AGAP1: variants seen among roughly 807,000 people sequenced by gnomAD.
AGAP1 encodes the protein arf-GAP with GTPase, ANK repeat and PH domain-containing protein 1.
Under a neutral mutation model 105.3 loss-of-function variants are expected in AGAP1, and 29 were observed. The observed-to-expected ratio is 0.28, with a 90% CI of 0.21 to 0.38. AGAP1 has a LOEUF of 0.38. Among genes scored for constraint, AGAP1 ranks in the 10% least tolerant of loss-of-function variants. The pLI is 1.00. For synonymous variants in AGAP1, 509 were observed against 485.9 expected, an observed-to-expected ratio of 1.05 and a Z score of -0.63; for missense variants, 998 against 1,165.1, an observed-to-expected ratio of 0.86 and a Z score of 2.09.
At chr2:235,727,994 G>A (rs772912652) in intron 3 of AGAP1, among the ~76,000 whole-genome samples, 7 of 152,140 alleles carry the variant, frequency 4.6e-5, no homozygotes, top group African/African-American at 7.2e-5. Flanking sequence ...ACTCAGCACC[G>A]ATTAGAGCTG....
rs943627835 is a variant in AGAP1 at position 235,599,813 on chromosome 2, G to A, written c.163+104964G>A. ...TGCCCCAGGGCTGGGAAGATGAGCAGGGATCCTGGGATGTGATGGCACGGT... is the reference window on the plus strand; with the variant it reads ...TGCCCCAGGGCTGGGAAGATGAGCAAGGATCCTGGGATGTGATGGCACGGT... On this transcript the variant is annotated intron_variant, in intron 1 of 17. Transcript: ENST00000304032. This position sits in a 1 kb window ranked among gnomAD's most constrained non-coding sequence, Gnocchi z 5.3. Among the ~76,000 whole-genome samples the A allele has an allele frequency of 3.3e-5, 5 of 152,196 alleles. No homozygotes were observed. Among genetic ancestry groups the A allele is most frequent in the African/African-American group, 1.2e-4 (5 of 41,452 alleles).
intron 1 of AGAP1, among the ~76,000 whole-genome samples, chr2:235,696,783 A>G (rs1950019163): frequency 1.3e-5 from 2 of 152,064 alleles, no homozygotes; most frequent in Non-Finnish European, 2.9e-5. Context: ...ACCTTATACG[A>G]GACCATCCCA....
intron 17 of AGAP1, among the ~76,000 whole-genome samples, chr2:236,122,460 G>T (rs975146537): frequency 6.6e-6 from 1 of 152,134 alleles, no homozygotes; most frequent in Non-Finnish European, 1.5e-5. Context: ...CTTTGATGGC[G>T]CTGGTTCCAT....
intron 11 of AGAP1, among the ~76,000 whole-genome samples, chr2:235,918,021 CATT>C (rs1315189829): frequency 2.0e-5 from 3 of 152,254 alleles, no homozygotes; most frequent in African/African-American, 4.8e-5. Context: ...GTCTAGAAAA[CATT>C]ATAATAACTC....
chr2:235,559,553 A>G lies in AGAP1; in HGVS notation c.163+64704A>G, dbSNP rs925640547. Among the ~76,000 whole-genome samples, 1 of 152,182 alleles carries G rather than the reference A, an allele frequency of 6.6e-6. No individual in the cohort carries two copies. Among genetic ancestry groups the G allele is most frequent in the Non-Finnish European group, 1.5e-5 (1 of 68,032 alleles). Reference sequence around the variant, plus strand: ...GAAAAAATTAGCACAGGAAATAGAAAGCTAAAGGATATCCCTCATGATCCC... The same window carrying G: ...GAAAAAATTAGCACAGGAAATAGAAGGCTAAAGGATATCCCTCATGATCCC... On this transcript the variant is annotated intron_variant, in intron 1 of 17. Coordinates refer to ENST00000304032, the MANE Select transcript of AGAP1 (RefSeq NM_001037131.3). The surrounding 1 kb of genome is among the most constrained non-coding windows in gnomAD (Gnocchi z 5.7).
At chr2:236,039,377 G>C (rs572182888) in intron 14 of AGAP1, among the ~76,000 whole-genome samples, 21 of 152,248 alleles carry the variant, frequency 1.4e-4, no homozygotes, top group African/African-American at 5.1e-4. Context: ...CCCAGGAGAT[G>C]GAGGCTGCAG....
intron 8 of AGAP1, among the ~76,000 whole-genome samples, chr2:235,802,824 GGTTGT>G (rs1451211278): frequency 9.6e-4 from 44 of 45,716 alleles, no homozygotes; most frequent in East Asian, 5.8e-3. Context: ...GTGATGTTGT[GGTTGT>G]GATGATGGTT....
chr2:235,802,845 TGTG>T (rs1392010466), intron 8 of AGAP1, among the ~76,000 whole-genome samples: 5 of 128,334 alleles, frequency 3.9e-5, no homozygotes, highest in African/African-American at 1.5e-4. Context: ...TGGTTATGGT[TGTG>T]ATGATGGTTG....
At chr2:235,779,188 A>G (rs1346870248) in intron 6 of AGAP1, among the ~76,000 whole-genome samples, 1 of 152,214 alleles carries the variant, frequency 6.6e-6, no homozygotes, top group Non-Finnish European at 1.5e-5. Flanking sequence ...GATGAGGAGC[A>G]GCTAGAAGAC....
At chr2:235,546,356 G>T (rs1943621950) in intron 1 of AGAP1, among the ~76,000 whole-genome samples, 1 of 152,134 alleles carries the variant, frequency 6.6e-6, no homozygotes, top group Admixed American at 6.5e-5. Context: ...TGGCTTAAAA[G>T]TCTTTTTCAG....
At chr2:235,537,796 G>A (rs1325277832) in intron 1 of AGAP1, among the ~76,000 whole-genome samples, 1 of 152,106 alleles carries the variant, frequency 6.6e-6, no homozygotes, top group Non-Finnish European at 1.5e-5. Flanking sequence ...CTCACTGCTG[G>A]CAGTCACTTG....
chr2:235,674,079 C>A (rs1405726303), intron 1 of AGAP1, among the ~76,000 whole-genome samples: 1 of 152,202 alleles, frequency 6.6e-6, no homozygotes, highest in Middle Eastern at 3.2e-3. Context: ...GATTGGAGCA[C>A]CTACCTTTTG....
intron 13 of AGAP1, among the ~76,000 whole-genome samples, chr2:235,984,746 T>C (rs187295558): frequency 6.6e-6 from 1 of 152,292 alleles, no homozygotes; most frequent in Admixed American, 6.5e-5. Flanking sequence ...GAAGATGGCT[T>C]CCAGCTTCAT....
chr2:235,870,632 A>G (rs1222689444), intron 9 of AGAP1, among the ~76,000 whole-genome samples: 1 of 152,112 alleles, frequency 6.6e-6, no homozygotes, highest in African/African-American at 2.4e-5. Flanking sequence ...ATCTGGAAAA[A>G]AAAAAAAATG....
Position 235,971,032 on chromosome 2 carries a change from G to A in AGAP1, c.1645+2409G>A, listed in dbSNP as rs2054620381. On this transcript the variant is annotated intron_variant, in intron 13 of 17. Transcript: ENST00000304032. This position sits in a 1 kb window ranked among gnomAD's most constrained non-coding sequence, Gnocchi z 4.8. ...AGGAAATCACAGGTGTCTCAAACATGGATGTGTAAGCGGGTGACGTGTGTT... is the reference window on the plus strand; with the variant it reads ...AGGAAATCACAGGTGTCTCAAACATAGATGTGTAAGCGGGTGACGTGTGTT... Among the ~76,000 whole-genome samples, 1 of 152,184 alleles carries A rather than the reference G, an allele frequency of 6.6e-6. No homozygotes were observed. The highest frequency in any genetic ancestry group is 2.4e-5 in the African/African-American group (1 of 41,444).
intron 13 of AGAP1, among the ~76,000 whole-genome samples, chr2:235,975,512 A>T (rs13431242): frequency 0.021 from 3,126 of 152,256 alleles, 106 homozygotes; most frequent in African/African-American, 0.072. Flanking sequence ...TATTTAGAAT[A>T]TAACAAGGTT....
At chr2:236,018,932 A>G (rs2056798084) in intron 13 of AGAP1, among the ~76,000 whole-genome samples, 1 of 152,320 alleles carries the variant, frequency 6.6e-6, no homozygotes, top group South Asian at 2.1e-4. Flanking sequence ...ATGGGGAAAC[A>G]GCAAACCTCC....
chr2:235,778,099 A>C (rs1017308710), intron 6 of AGAP1, among the ~76,000 whole-genome samples: 2 of 152,048 alleles, frequency 1.3e-5, no homozygotes, highest in African/African-American at 4.8e-5. Context: ...TGTCCTTGAC[A>C]TCACACCTGG....
chr2:235,695,937 C>T lies in AGAP1; in HGVS notation c.164-13242C>T, dbSNP rs115940143. Among the ~76,000 whole-genome samples, 173 of 152,202 alleles carry T rather than the reference C, an allele frequency of 1.1e-3. 1 individual carries two copies. The South Asian group carries it at 0.013, about 11-fold the overall frequency. On this transcript the variant is annotated intron_variant, in intron 1 of 17. Coordinates refer to ENST00000304032, the MANE Select transcript of AGAP1 (RefSeq NM_001037131.3). ...AGTTTTATTCCCTTGGGTGCACCAG[C>T]GGAAGGTCTGTGCTGAGAACAGAGG...
Sources: gnomAD v4.1 joint callset for allele counts (sites outside exome capture counted in the v4.1 genomes callset) on GRCh38, gnomAD v4.1.1 for gene constraint, Gnocchi (gnomAD v3.1) non-coding constraint, MANE v1.5 for transcripts, NCBI Gene and HGNC (gene_info 2026-07-23, HGNC 2026-07-21) for gene names.